The following CTNND2 variants were observed in gnomAD, a reference collection of about 807,000 sequenced individuals.
CTNND2 encodes catenin delta 2.
CTNND2 carries 22 observed loss-of-function variants against 144.4 expected under a neutral mutation model. The ratio of observed to expected loss-of-function variants is 0.15; its 90% CI spans 0.11 to 0.22. The LOEUF (loss-of-function observed/expected upper bound fraction) is 0.22. CTNND2 is among the 10% of genes least tolerant of loss of function. CTNND2 has a pLI of 1.00. For missense variants in CTNND2, 1,353 were observed against 1,618.8 expected (o/e 0.84, Z 2.82); for synonymous variants, 751 against 695.6 (o/e 1.08, Z -1.25).
rs896951120 is a variant in CTNND2 at position 11,455,785 on chromosome 5, G to GT, written c.288-43717dup. On this transcript the variant is annotated intron_variant, in intron 3 of 21. Coordinates refer to ENST00000304623, the MANE Select transcript of CTNND2 (RefSeq NM_001332.4). Reference sequence around the variant, plus strand: ...TGGCAACTAATGCTTATAAAAGAAGGTTTTTTTTTCTGCTCAGAATTAAAG... The same window carrying GT: ...TGGCAACTAATGCTTATAAAAGAAGGTTTTTTTTTTCTGCTCAGAATTAAAG... Among the ~76,000 whole-genome samples, 261 of 151,250 alleles carry GT rather than the reference G, an allele frequency of 1.7e-3. 3 individuals carry two copies. Among genetic ancestry groups the GT allele is most frequent in the African/African-American group, 6.0e-3 (247 of 41,258 alleles).
At chr5:11,565,199 G>A (rs1445506530) in intron 2 of CTNND2, 143 bp from the exon 3 acceptor site, 18 of 660,884 alleles carry the variant, frequency 2.7e-5, no homozygotes, top group Admixed American at 4.7e-5. Flanking sequence ...ACTAGGATTC[G>A]AAGGTTAGAC....
At chr5:11,039,936 C>G (rs1227423842) in intron 16 of CTNND2, among the ~76,000 whole-genome samples, 2 of 152,060 alleles carry the variant, frequency 1.3e-5, no homozygotes, top group African/African-American at 2.4e-5. Flanking sequence ...GTGACACGTG[C>G]CTGTAGTCCC....
Position 11,648,191 on chromosome 5 carries a change from T to A in CTNND2, c.175-83135A>T, listed in dbSNP as rs56719623. ...CAGTGACTTTTTTTTTTTTTTTTTT[T>A]ACTATTATATTCCCAGCTTTATACA... On this transcript the variant is annotated intron_variant, in intron 2 of 21. Coordinates refer to ENST00000304623, the MANE Select transcript of CTNND2 (RefSeq NM_001332.4). Among the ~76,000 whole-genome samples the A allele has an allele frequency of 2.3e-3, 336 of 148,078 alleles. 1 individual carries two copies. The highest frequency in any genetic ancestry group is 7.9e-3 in the African/African-American group (319 of 40,432).
intron 1 of CTNND2, among the ~76,000 whole-genome samples, chr5:11,786,004 G>A (rs1158576336): frequency 6.7e-6 from 1 of 149,850 alleles, no homozygotes; most frequent in Admixed American, 6.6e-5. Context: ...CTCACCAACT[G>A]CACCCGCAGC....
intron 11 of CTNND2, among the ~76,000 whole-genome samples, chr5:11,194,516 C>T (rs1329668826): frequency 6.6e-6 from 1 of 152,128 alleles, no homozygotes; most frequent in African/African-American, 2.4e-5. Flanking sequence ...TTAAAAGACT[C>T]CCCACTACAA....
chr5:11,423,516 C>T (rs31888), intron 3 of CTNND2, among the ~76,000 whole-genome samples: 52,782 of 152,066 alleles, frequency 0.35, 13,113 homozygotes, highest in African/African-American at 0.71. Flanking sequence ...TGTTGTCGGA[C>T]CATCTCAGTT....
chr5:11,351,714 T>C (rs1755357789), intron 8 of CTNND2, among the ~76,000 whole-genome samples: 1 of 152,124 alleles, frequency 6.6e-6, no homozygotes, highest in Admixed American at 6.5e-5. Flanking sequence ...AAGGTAATGT[T>C]CAATAAAGAG....
intron 2 of CTNND2, among the ~76,000 whole-genome samples, chr5:11,650,674 T>G (rs1782603302): frequency 1.3e-5 from 2 of 152,214 alleles, no homozygotes; most frequent in South Asian, 4.1e-4. Flanking sequence ...TACTGGGAAC[T>G]GAAGTGAAAG....
At chr5:11,537,849 T>C (rs560409616) in intron 3 of CTNND2, among the ~76,000 whole-genome samples, 1 of 152,232 alleles carries the variant, frequency 6.6e-6, no homozygotes, top group Non-Finnish European at 1.5e-5. Flanking sequence ...CAAACTACTT[T>C]ATAAATTTTT....
At chr5:11,415,874 C>T (rs1201163884) in intron 3 of CTNND2, among the ~76,000 whole-genome samples, 1 of 152,066 alleles carries the variant, frequency 6.6e-6, no homozygotes, top group Non-Finnish European at 1.5e-5. Context: ...AGCATGAGGT[C>T]TTCATGCTTT....
intron 9 of CTNND2, among the ~76,000 whole-genome samples, chr5:11,243,761 CTG>C (rs1742698379): frequency 6.6e-6 from 1 of 152,230 alleles, no homozygotes; most frequent in African/African-American, 2.4e-5. Context: ...CAGTTCATGA[CTG>C]TTCTGCTGGT....
intron 11 of CTNND2, among the ~76,000 whole-genome samples, chr5:11,180,219 C>T (rs534198449): frequency 1.8e-4 from 28 of 152,206 alleles, no homozygotes; most frequent in Admixed American, 2.6e-4. Flanking sequence ...GCACTTCCCC[C>T]GCATCGCTCT....
At chr5:11,005,886 C>G (rs1359827004) in intron 18 of CTNND2, among the ~76,000 whole-genome samples, 1 of 152,152 alleles carries the variant, frequency 6.6e-6, no homozygotes, top group Non-Finnish European at 1.5e-5. Flanking sequence ...CAGGGTGCAG[C>G]AAACCACCAT....
At position 11,345,293 on chromosome 5, in the gene CTNND2, C is replaced by T. The variant is rs149531899; in HGVS notation, c.1628+1079G>A. On this transcript the variant is annotated intron_variant, in intron 9 of 21. Transcript: ENST00000304623. ...AACATAGTAAACAAAAGAATGCTTC[C>T]GATTTCTGGTAGATAACAGTAAGCA... Among the ~76,000 whole-genome samples, 1,165 of 152,176 alleles carry T rather than the reference C, an allele frequency of 7.7e-3. 11 individuals carry two copies. The highest frequency in any genetic ancestry group is 9.6e-3 in the Non-Finnish European group (654 of 68,004).
chr5:11,460,413 T>C (rs1766090741), intron 3 of CTNND2, among the ~76,000 whole-genome samples: 1 of 152,262 alleles, frequency 6.6e-6, no homozygotes, highest in African/African-American at 2.4e-5. Flanking sequence ...GATGTATATC[T>C]GAATAACCTA....
chr5:11,747,497 T>C (rs1014462392), intron 1 of CTNND2, among the ~76,000 whole-genome samples: 2 of 152,122 alleles, frequency 1.3e-5, no homozygotes, highest in Non-Finnish European at 2.9e-5. Flanking sequence ...GCCAAATGTC[T>C]CAGGTTCTGG....
intron 2 of CTNND2, among the ~76,000 whole-genome samples, chr5:11,683,925 C>A (rs1561690719): frequency 6.6e-6 from 1 of 152,034 alleles, no homozygotes; most frequent in Non-Finnish European, 1.5e-5. Context: ...GAAATAAACT[C>A]TAAGCTCCCA....
chr5:11,810,781 C>T (rs1004207994), intron 1 of CTNND2, among the ~76,000 whole-genome samples: 4 of 152,018 alleles, frequency 2.6e-5, no homozygotes, highest in South Asian at 2.1e-4. Context: ...TAGCTAATTA[C>T]GCATTGTCAT....
intron 1 of CTNND2, among the ~76,000 whole-genome samples, chr5:11,833,973 A>T (rs930634042): frequency 6.6e-6 from 1 of 152,222 alleles, no homozygotes. Flanking sequence ...AAATTGAATT[A>T]AAAAATGTTA....
Sources: gnomAD v4.1 joint callset for allele counts (sites outside exome capture counted in the v4.1 genomes callset) on GRCh38, gnomAD v4.1.1 for gene constraint, MANE v1.5 for transcripts, NCBI Gene and HGNC (gene_info 2026-07-23, HGNC 2026-07-21) for gene names.